Variants in FHOD1 observed in about 807,000 individuals in gnomAD.
FHOD1 encodes formin homology 2 domain containing 1.
A neutral mutation model predicts 111.6 loss-of-function variants in FHOD1; 89 were observed. The observed-to-expected ratio is 0.80, with a 90% CI of 0.67 to 0.95. FHOD1 has a LOEUF of 0.95. FHOD1 is among the 40% of genes least tolerant of loss of function. The pLI, the probability that FHOD1 is intolerant of heterozygous loss-of-function variation, is 0.00. For synonymous variants in FHOD1, 618 were observed against 639.0 expected (o/e 0.97, Z 0.50); for missense variants, 1,446 against 1,554.2 (o/e 0.93, Z 1.17).
At chr16:67,239,508 A>T (rs1272174918) in intron 1 of FHOD1, 54 bp from the exon 2 acceptor site, 6 of 1,358,040 alleles carry the variant, frequency 4.4e-6, no homozygotes, top group Middle Eastern at 1.8e-4. Flanking sequence ...AGGCGAATGT[A>T]TGAAGACCCC....
In FHOD1 at chr16:67,231,094, G is replaced by A; in HGVS notation, c.2667+94C>T. 6.6e-7 allele frequency: 1 copy of A among 1,508,928 alleles called. No individual in the cohort carries two copies. Among genetic ancestry groups the A allele is most frequent in the Non-Finnish European group, 9.0e-7 (1 of 1,110,292 alleles). 93.5% of individuals were successfully genotyped at this position (1,508,928 alleles called of 1,614,324 possible). A position where few individuals can be genotyped will look rare whatever the true frequency, so the allele number is the denominator to read the frequency against. On this transcript the variant is annotated intron_variant, in intron 17 of 21. Transcript: ENST00000258201. The surrounding 1 kb of genome is among the most constrained non-coding windows in gnomAD (Gnocchi z 4.3). ...GGTGGCTGGAGCAAGCCCTGGCACAGCAGCCCAAATGGGGAGAAGGGGGAG... is the reference window on the plus strand; with the variant it reads ...GGTGGCTGGAGCAAGCCCTGGCACAACAGCCCAAATGGGGAGAAGGGGGAG...
chr16:67,245,008 C>T (rs2034771496), intron 1 of FHOD1, among the ~76,000 whole-genome samples: 1 of 152,210 alleles, frequency 6.6e-6, no homozygotes, highest in Admixed American at 6.5e-5. Context: ...TCTCTGATGT[C>T]CCTGTCTCTG....
intron 11 of FHOD1, among the ~76,000 whole-genome samples, chr16:67,235,698 C>T (rs2034451424): frequency 6.6e-6 from 1 of 152,124 alleles, no homozygotes; most frequent in Non-Finnish European, 1.5e-5. Flanking sequence ...CCCCACACCA[C>T]ACACCACACA....
intron 1 of FHOD1, among the ~76,000 whole-genome samples, chr16:67,241,793 A>T (rs2034675263): frequency 6.6e-6 from 1 of 152,232 alleles, no homozygotes; most frequent in African/African-American, 2.4e-5. Context: ...ACACCCAGGT[A>T]TAAGGTTGGG....
rs772699637 is a variant in FHOD1, at chr16:67,231,534, G to A, written c.2401C>T (p.Leu801=). The change falls in exon 16 of 22, where the codon CTG becomes TTG. Residue 801 remains leucine (L), a synonymous_variant. Coordinates refer to ENST00000258201, the MANE Select transcript of FHOD1 (RefSeq NM_013241.3). The surrounding 1 kb of genome is among the most constrained non-coding windows in gnomAD (Gnocchi z 4.3). The part of the protein sequence containing the change: ...DSMEREIAEP[L]FDLKVGMEQL... The stretch of plus-strand genomic sequence containing the variant: ...TCCATACCCACTTTCAGGTCAAACA[G>A]TGGCTCAGCAATTTCCTGGTATGGG... 6 of 1,614,184 alleles carry A rather than the reference G, an allele frequency of 3.7e-6. No individual in the cohort carries two copies. The highest frequency in any genetic ancestry group is 5.1e-6 in the Non-Finnish European group (6 of 1,180,042).
In FHOD1 at chr16:67,237,371, C is replaced by T. The variant is rs1469052204; in HGVS notation, c.861G>A (p.Ala287=). The T allele has an allele frequency of 1.9e-6, 3 of 1,613,668 alleles. No homozygotes were observed. Among genetic ancestry groups the T allele is most frequent in the African/African-American group, 1.3e-5 (1 of 74,924 alleles). The change falls in exon 9 of 22, where the codon GCG becomes GCA. Residue 287 remains alanine, a synonymous_variant. Transcript: ENST00000258201. This position sits in a 1 kb window ranked among gnomAD's most constrained non-coding sequence, Gnocchi z 5.6. ...CGTAGAAGGAGTCCTGGTCCGGGAG[C>T]GCCGCCAGCGTCTGGAGGGCGGGGA... ...TVTLINKTLA[A]LPDQDSFYDV...
intron 1 of FHOD1, among the ~76,000 whole-genome samples, chr16:67,243,873 C>T (rs2034734909): frequency 1.3e-5 from 2 of 152,178 alleles, no homozygotes; most frequent in Admixed American, 6.5e-5. Context: ...GGTCCCTCAC[C>T]AGTCTGCAGC....
intron 10 of FHOD1, 107 bp from the exon 11 acceptor site, chr16:67,236,840 G>T: frequency 8.1e-7 from 1 of 1,227,740 alleles, no homozygotes; most frequent in Non-Finnish European, 1.1e-6. Context: ...GGTAGGGCAG[G>T]CCCAGTGGAG....
At chr16:67,239,711 A>G (rs550864865) in intron 1 of FHOD1, among the ~76,000 whole-genome samples, 1 of 152,234 alleles carries the variant, frequency 6.6e-6, no homozygotes, top group African/African-American at 2.4e-5. Context: ...TTAGGTTGCT[A>G]TGCAACCCAC....
intron 11 of FHOD1, 99 bp from the exon 12 acceptor site, chr16:67,234,571 G>C: frequency 1.0e-6 from 1 of 1,001,880 alleles, no homozygotes; most frequent in Non-Finnish European, 1.5e-6. Flanking sequence ...TTGCAGGCAC[G>C]CACAGACACA....
chr16:67,234,712 C>T (rs377656389), intron 11 of FHOD1: 3 of 512,788 alleles, frequency 5.9e-6, no homozygotes, highest in Non-Finnish European at 1.0e-5. Flanking sequence ...GGGAGAGGAT[C>T]TACTTAACAT....
At chr16:67,245,190 GT>G (rs2034775854) in intron 1 of FHOD1, among the ~76,000 whole-genome samples, 1 of 152,224 alleles carries the variant, frequency 6.6e-6, no homozygotes, top group South Asian at 2.1e-4. Flanking sequence ...CCATATCCCT[GT>G]GGGGGAGGGA....
chr16:67,236,944 A>G, intron 10 of FHOD1, 22 bp downstream of exon 10: 1 of 1,456,604 alleles, frequency 6.9e-7, no homozygotes, highest in Non-Finnish European at 9.2e-7. Context: ...ACCCTTTCCC[A>G]TCTACAGATG....
At chr16:67,241,892 C>G (rs180686571) in intron 1 of FHOD1, among the ~76,000 whole-genome samples, 3 of 152,196 alleles carry the variant, frequency 2.0e-5, no homozygotes, top group Non-Finnish European at 4.4e-5. Flanking sequence ...GCTGTAATCC[C>G]AAGAGAGCAG....
chr16:67,246,324 G>T (rs1273899780), intron 1 of FHOD1, among the ~76,000 whole-genome samples: 3 of 152,210 alleles, frequency 2.0e-5, no homozygotes, highest in Non-Finnish European at 4.4e-5. Context: ...TGGGGAGCTT[G>T]TGGAGGTGGT....
rs573688733 is a variant in FHOD1, at chr16:67,239,180, G to A, written c.308+168C>T. On this transcript the variant is annotated intron_variant, in intron 2 of 21. Coordinates refer to ENST00000258201, the MANE Select transcript of FHOD1 (RefSeq NM_013241.3). ...GGAGAGCCCCTAACTCCCACCTTGG[G>A]CAGCAGGTAACACTGGCCAGGCTTT... Among the ~76,000 whole-genome samples the A allele has an allele frequency of 4.6e-5, 7 of 152,314 alleles. No individual in the cohort carries two copies. In the East Asian group the frequency reaches 1.4e-3, roughly 29 times the overall value.
chr16:67,229,560 GC>G lies in FHOD1; in HGVS notation c.*75del, dbSNP rs2034162510. 1 of 1,354,944 alleles carries G rather than the reference GC, an allele frequency of 7.4e-7. No individual in the cohort carries two copies. The highest frequency in any genetic ancestry group is 1.1e-6 in the Non-Finnish European group (1 of 944,430). The allele number at this position is 1,354,944 out of a possible 1,614,324, so 83.9% of individuals were successfully genotyped here. A position where few individuals can be genotyped will look rare whatever the true frequency, so the allele number is the denominator to read the frequency against. ...CACAGAGTTCTGGGGCCAGAATTCT[GC>G]TCTGGGCCCTCCTCACTCTGTCATC... On this transcript the variant is annotated 3_prime_UTR_variant, in exon 22 of 22. Transcript: ENST00000258201.
At position 67,231,547 on chromosome 16, in the gene FHOD1, T is replaced by A; in HGVS notation, c.2388A>T (p.Glu796Asp). 1 of 1,614,146 alleles carries A rather than the reference T, an allele frequency of 6.2e-7. No individual in the cohort carries two copies. The highest frequency in any genetic ancestry group is 8.5e-7 in the Non-Finnish European group (1 of 1,180,026). ...FKLDYDSMER[E>D]IAEPLFDLKV... is the part of the protein sequence containing the mutation. ...TCAGGTCAAACAGTGGCTCAGCAAT[T>A]TCCTGGTATGGGAGACCAGGGACTC... is the stretch of plus-strand genomic sequence containing the variant. Residue 796 changes from glutamate to aspartate, a missense_variant and splice_region_variant, in exon 16 of 22, where the codon GAA (glutamate) becomes GAT (aspartate). Coordinates refer to ENST00000258201, the MANE Select transcript of FHOD1 (RefSeq NM_013241.3). The surrounding 1 kb of genome is among the most constrained non-coding windows in gnomAD (Gnocchi z 4.3).
chr16:67,230,801 C>A lies in FHOD1; in HGVS notation c.2668-10G>T, dbSNP rs777277340. The A allele has an allele frequency of 6.3e-7, 1 of 1,576,962 alleles. No homozygotes were observed. The highest frequency in any genetic ancestry group is 8.6e-7 in the Non-Finnish European group (1 of 1,161,564). On this transcript the variant is annotated splice_polypyrimidine_tract_variant and intron_variant, in intron 17 of 21. Transcript: ENST00000258201. ...GCTGTTCAAAGTCCACCTGAGAAAGCAAGGGGGTGCACATACTGTCCCCCC... is the reference window on the plus strand; with the variant it reads ...GCTGTTCAAAGTCCACCTGAGAAAGAAAGGGGGTGCACATACTGTCCCCCC...
Sources: allele counts gnomAD v4.1 joint callset (sites outside exome capture counted in the v4.1 genomes callset), GRCh38; gene constraint gnomAD v4.1.1; non-coding constraint Gnocchi (gnomAD v3.1); transcripts MANE v1.5; gene names NCBI Gene and HGNC (gene_info 2026-07-23, HGNC 2026-07-21).